LRBA: variants seen among roughly 807,000 people sequenced by gnomAD.
LRBA encodes the protein lipopolysaccharide-responsive and beige-like anchor protein.
A neutral mutation model predicts 330.0 loss-of-function variants in LRBA; 176 were observed. The ratio of observed to expected loss-of-function variants is 0.53; its 90% confidence interval spans 0.47 to 0.60. LRBA has a LOEUF of 0.60. Among genes scored for constraint, LRBA ranks in the 20% least tolerant of loss-of-function variants. The pLI, the probability that LRBA is intolerant of heterozygous loss-of-function variation, is 0.00. For missense variants in LRBA, 3,259 were observed against 3,444.8 expected (o/e 0.95, Z 1.35); for synonymous variants, 1,230 against 1,193.0 (o/e 1.03, Z -0.64).
chr4:150,793,569 G>C (rs1740310474), intron 34 of LRBA, among the ~76,000 whole-genome samples: 1 of 152,098 alleles, frequency 6.6e-6, no homozygotes, highest in African/African-American at 2.4e-5. Context: ...CATTTATATG[G>C]TTGAACAGTA....
chr4:150,696,234 C>T (rs559822976), intron 36 of LRBA, among the ~76,000 whole-genome samples: 1 of 152,032 alleles, frequency 6.6e-6, no homozygotes, highest in Admixed American at 6.6e-5. Context: ...GTCTCAAAAA[C>T]AAAAATAAAT....
intron 37 of LRBA, among the ~76,000 whole-genome samples, chr4:150,621,133 A>C (rs75282600): frequency 0.036 from 5,459 of 152,244 alleles, 303 homozygotes; most frequent in African/African-American, 0.12. Context: ...AAGAGTGCAA[A>C]AGATTTTTTA....
At chr4:150,411,248 C>T (rs1465065154) in intron 47 of LRBA, among the ~76,000 whole-genome samples, 1 of 152,120 alleles carries the variant, frequency 6.6e-6, no homozygotes, top group Non-Finnish European at 1.5e-5. Flanking sequence ...AGCCAGTTTT[C>T]CAATCCTACA....
At chr4:150,988,240 C>G (rs929648642) in intron 2 of LRBA, among the ~76,000 whole-genome samples, 7 of 152,082 alleles carry the variant, frequency 4.6e-5, no homozygotes, top group Admixed American at 1.3e-4. Flanking sequence ...CAAAATAGAA[C>G]AGTACAGGAC....
intron 34 of LRBA, among the ~76,000 whole-genome samples, chr4:150,785,214 T>C (rs1240478590): frequency 6.6e-6 from 1 of 152,096 alleles, no homozygotes; most frequent in Non-Finnish European, 1.5e-5. Context: ...GCTGAGTTAG[T>C]TCGGGGCGGG....
chr4:150,502,723 C>G lies in LRBA; in HGVS notation c.6331-11688G>C, dbSNP rs6836997. Among the ~76,000 whole-genome samples, 644 of 152,300 alleles carry G rather than the reference C, an allele frequency of 4.2e-3. 3 individuals carry two copies. Among genetic ancestry groups the G allele is most frequent in the African/African-American group, 0.015 (623 of 41,574 alleles). On this transcript the variant is annotated intron_variant, in intron 40 of 56. Transcript: ENST00000651943. Reference sequence around the variant, plus strand: ...AGTGGGTGCAGGACAGTGGGTGCAGCGCACCGTGCGTGAGGCGAAGCAGGG... The same window carrying G: ...AGTGGGTGCAGGACAGTGGGTGCAGGGCACCGTGCGTGAGGCGAAGCAGGG...
At chr4:150,371,182 A>ATTTTTTTTTTTTTTTTTGTTTTTTTTTTT (rs1740238662) in intron 47 of LRBA, among the ~76,000 whole-genome samples, 1 of 91,898 alleles carries the variant, frequency 1.1e-5, no homozygotes, top group African/African-American at 4.8e-5. Flanking sequence ...AAGCTACTAA[A>ATTTTTTTTTTTTTTTTTGTTTTTTTTTTT]TTTTTTTTTT....
chr4:150,378,773 C>G (rs1472110522), intron 47 of LRBA, among the ~76,000 whole-genome samples: 1 of 152,038 alleles, frequency 6.6e-6, no homozygotes, highest in Admixed American at 6.6e-5. Flanking sequence ...AGCAAGAGCA[C>G]AAACAAATGT....
chr4:150,701,998 G>A (rs1335765991), intron 36 of LRBA, among the ~76,000 whole-genome samples: 3 of 152,092 alleles, frequency 2.0e-5, no homozygotes, highest in African/African-American at 7.2e-5. Context: ...TTAAGATAAG[G>A]TGGCCAACTA....
chr4:150,394,624 T>C (rs1407812570), intron 47 of LRBA, among the ~76,000 whole-genome samples: 2 of 152,206 alleles, frequency 1.3e-5, no homozygotes, highest in African/African-American at 4.8e-5. Flanking sequence ...GGCATGGCTA[T>C]TGTCTTTACA....
rs566544820 is a variant in LRBA, at chr4:150,379,593, A to G, written c.7195-29434T>C. 7.2e-5 allele frequency among the ~76,000 whole-genome samples: 11 copies of G among 152,294 alleles called. No individual in the cohort carries two copies. In the East Asian group the frequency reaches 1.9e-3, roughly 27 times the overall value. ...GGTCACACATCTATGCTATTAGTTGAAAAGGGAATTATACTGGAGATGGTT... is the reference window on the plus strand; with the variant it reads ...GGTCACACATCTATGCTATTAGTTGGAAAGGGAATTATACTGGAGATGGTT... On this transcript the variant is annotated intron_variant, in intron 47 of 56. Coordinates refer to ENST00000651943, the MANE Select transcript of LRBA (RefSeq NM_001364905.1).
chr4:150,360,351 A>G (rs922218957), intron 47 of LRBA, among the ~76,000 whole-genome samples: 13 of 152,108 alleles, frequency 8.5e-5, no homozygotes, highest in African/African-American at 3.1e-4. Flanking sequence ...TTTTAATGAC[A>G]TGGTAATATT....
intron 17 of LRBA, among the ~76,000 whole-genome samples, chr4:150,884,224 G>A (rs768794485): frequency 1.8e-4 from 27 of 152,186 alleles, no homozygotes; most frequent in African/African-American, 4.1e-4. Flanking sequence ...ACTTGGTTAC[G>A]AATCAATGGG....
intron 42 of LRBA, among the ~76,000 whole-genome samples, chr4:150,477,011 G>GC (rs1235558921): frequency 6.6e-6 from 1 of 152,108 alleles, no homozygotes; most frequent in Non-Finnish European, 1.5e-5. Context: ...GGTCTTAATG[G>GC]CCCTGACTTG....
intron 47 of LRBA, among the ~76,000 whole-genome samples, chr4:150,411,347 A>C (rs1746964219): frequency 1.3e-5 from 2 of 152,206 alleles, no homozygotes; most frequent in Admixed American, 6.5e-5. Flanking sequence ...CAGGGAATGT[A>C]GCATTACTGG....
rs549877939 is a variant in LRBA, at chr4:150,303,464, G to A, written c.7850-672C>T. On this transcript the variant is annotated intron_variant, in intron 52 of 56. Coordinates refer to ENST00000651943, the MANE Select transcript of LRBA (RefSeq NM_001364905.1). ...AAGATGGTAATGACTGGGGACAAAG[G>A]AGAGGAACCCAGTAAACTTACTATA... 1.1e-4 allele frequency among the ~76,000 whole-genome samples: 17 copies of A among 152,328 alleles called. 1 individual carries two copies. In the South Asian group the frequency reaches 3.5e-3, roughly 32 times the overall value.
At position 150,471,692 on chromosome 4, in the gene LRBA, A is replaced by G. The variant is rs1423302471; in HGVS notation, c.6599T>C (p.Met2200Thr). 2 of 1,609,448 alleles carry G rather than the reference A, an allele frequency of 1.2e-6. No homozygotes were observed. Residue 2200 changes from methionine to threonine, a missense_variant, in exon 43 of 57, where the codon ATG becomes ACG. Met to Thr is a moderately conservative substitution (Grantham distance 81, BLOSUM62 -1). Coordinates refer to ENST00000651943, the MANE Select transcript of LRBA (RefSeq NM_001364905.1). ...SPRQLFKASN[M>T]TQRWQHREIS... Reference sequence around the variant, plus strand: ...CTCTCTGTGTTGCCATCGCTGGGTCATATTAGAAGCCTTAAAAAGCTGACG... The same window carrying G: ...CTCTCTGTGTTGCCATCGCTGGGTCGTATTAGAAGCCTTAAAAAGCTGACG...
At chr4:150,980,171 T>C (rs1740677563) in intron 2 of LRBA, among the ~76,000 whole-genome samples, 1 of 152,110 alleles carries the variant, frequency 6.6e-6, no homozygotes, top group Non-Finnish European at 1.5e-5. Context: ...TGGTTCAACA[T>C]ATGCAAATCA....
intron 37 of LRBA, among the ~76,000 whole-genome samples, chr4:150,620,206 G>A (rs1776161815): frequency 6.6e-6 from 1 of 151,924 alleles, no homozygotes; most frequent in African/African-American, 2.4e-5. Context: ...ATGAAAAAAT[G>A]CTCAACATCA....
Sources: gnomAD v4.1 joint callset for allele counts (sites outside exome capture counted in the v4.1 genomes callset) on GRCh38, gnomAD v4.1.1 for gene constraint, MANE v1.5 for transcripts, NCBI Gene and HGNC (gene_info 2026-07-23, HGNC 2026-07-21) for gene names.